Variants in ZMAT4 observed in about 807,000 individuals in gnomAD.
The protein encoded by ZMAT4 is zinc finger matrin-type 4.
Under a neutral mutation model 28.7 loss-of-function variants are expected in ZMAT4, and 17 were observed. The ratio of observed to expected loss-of-function variants is 0.59; its 90% confidence interval spans 0.41 to 0.89. The LOEUF is 0.89. ZMAT4 is among the 40% of genes least tolerant of loss of function. The pLI is 0.00. For synonymous variants in ZMAT4, 117 were observed against 109.2 expected (o/e 1.07, Z -0.44); for missense variants, 240 against 283.8 (o/e 0.85, Z 1.11).
At chr8:40,654,609 A>C (rs10093166) in intron 5 of ZMAT4, among the ~76,000 whole-genome samples, 34,801 of 152,078 alleles carry the variant, frequency 0.23, 4,152 homozygotes, top group Middle Eastern at 0.27. Flanking sequence ...ATGATAATGC[A>C]CTATAACCAA....
At chr8:40,696,559 A>G (rs995980038) in intron 4 of ZMAT4, among the ~76,000 whole-genome samples, 30 of 152,184 alleles carry the variant, frequency 2.0e-4, no homozygotes, top group African/African-American at 7.2e-5. Flanking sequence ...TTTTAGTTTC[A>G]TGATGTGATA....
At chr8:40,746,374 T>TTTC (rs1489561838) in intron 3 of ZMAT4, among the ~76,000 whole-genome samples, 1 of 88,044 alleles carries the variant, frequency 1.1e-5, no homozygotes, top group Admixed American at 1.1e-4. Flanking sequence ...CCTTTCTTTC[T>TTTC]CTTTTTTTTT....
chr8:40,826,193 A>G (rs1196764599), intron 1 of ZMAT4, among the ~76,000 whole-genome samples: 1 of 152,252 alleles, frequency 6.6e-6, no homozygotes, highest in Non-Finnish European at 1.5e-5. Flanking sequence ...AATATATCCA[A>G]CAATAGAAAG....
intron 6 of ZMAT4, among the ~76,000 whole-genome samples, chr8:40,538,581 T>C (rs1188534462): frequency 2.0e-5 from 3 of 152,134 alleles, no homozygotes; most frequent in African/African-American, 7.2e-5. Context: ...GACGACAACA[T>C]ATTAGCCTCC....
At chr8:40,776,440 T>C (rs1339515770) in intron 2 of ZMAT4, among the ~76,000 whole-genome samples, 1 of 152,190 alleles carries the variant, frequency 6.6e-6, no homozygotes, top group Non-Finnish European at 1.5e-5. Context: ...CGTGTTACAA[T>C]TTTAAATAAA....
chr8:40,895,723 C>T (rs993125042), intron 1 of ZMAT4, among the ~76,000 whole-genome samples: 3 of 152,126 alleles, frequency 2.0e-5, no homozygotes, highest in Non-Finnish European at 4.4e-5. Context: ...GATAGAAATC[C>T]AACAGATTGG....
chr8:40,717,883 C>G (rs887004516), intron 3 of ZMAT4, among the ~76,000 whole-genome samples: 1 of 125,138 alleles, frequency 8.0e-6, no homozygotes, highest in Non-Finnish European at 1.7e-5. Flanking sequence ...GCAGAAAGTA[C>G]AGTAAGTTCC....
intron 1 of ZMAT4, among the ~76,000 whole-genome samples, chr8:40,871,203 T>C (rs1340136439): frequency 6.6e-6 from 1 of 152,186 alleles, no homozygotes; most frequent in Non-Finnish European, 1.5e-5. Context: ...CAAGAGTTGC[T>C]ACAACATTTG....
At chr8:40,840,434 C>T (rs975725811) in intron 1 of ZMAT4, among the ~76,000 whole-genome samples, 1 of 152,178 alleles carries the variant, frequency 6.6e-6, no homozygotes, top group Non-Finnish European at 1.5e-5. Flanking sequence ...ACAGATATCC[C>T]TCCCAAGAGC....
At chr8:40,796,184 G>T (rs1814589646) in intron 2 of ZMAT4, among the ~76,000 whole-genome samples, 1 of 152,168 alleles carries the variant, frequency 6.6e-6, no homozygotes, top group Non-Finnish European at 1.5e-5. Flanking sequence ...CAGATACCCA[G>T]TGTGCATCCA....
At chr8:40,532,946 G>A (rs1413756199) in intron 6 of ZMAT4, among the ~76,000 whole-genome samples, 1 of 150,310 alleles carries the variant, frequency 6.7e-6, no homozygotes, top group Admixed American at 6.6e-5. Flanking sequence ...TCGTGCCACT[G>A]CACTCCAGCC....
chr8:40,811,722 A>C (rs1331382790), intron 2 of ZMAT4, among the ~76,000 whole-genome samples: 1 of 152,234 alleles, frequency 6.6e-6, no homozygotes, highest in African/African-American at 2.4e-5. Context: ...AGCAGTTAGA[A>C]GCCATAGATT....
chr8:40,781,491 G>A (rs187561787), intron 2 of ZMAT4, among the ~76,000 whole-genome samples: 190 of 152,110 alleles, frequency 1.2e-3, no homozygotes, highest in African/African-American at 4.2e-3. Context: ...GGCCGGGCGC[G>A]GTGGCTCACG....
chr8:40,781,388 C>T (rs1033177590), intron 2 of ZMAT4, among the ~76,000 whole-genome samples: 1 of 152,136 alleles, frequency 6.6e-6, no homozygotes, highest in African/African-American at 2.4e-5. Flanking sequence ...CAGTTCAAAA[C>T]TTACTAAAAA....
chr8:40,598,554 T>C (rs538748529), intron 5 of ZMAT4, among the ~76,000 whole-genome samples: 1 of 152,204 alleles, frequency 6.6e-6, no homozygotes, highest in Admixed American at 6.5e-5. Flanking sequence ...ATTCTTTTTA[T>C]ATAGCTGCAT....
At chr8:40,637,262 T>C (rs1806830039) in intron 5 of ZMAT4, among the ~76,000 whole-genome samples, 1 of 152,170 alleles carries the variant, frequency 6.6e-6, no homozygotes, top group African/African-American at 2.4e-5. Context: ...AAAATTATTT[T>C]CAAATCATTC....
At chr8:40,551,481 T>C (rs1449671861) in intron 6 of ZMAT4, among the ~76,000 whole-genome samples, 1 of 152,206 alleles carries the variant, frequency 6.6e-6, no homozygotes, top group East Asian at 1.9e-4. Context: ...ACTGTAGTGG[T>C]TACATGGTTA....
intron 5 of ZMAT4, 93 bp from the exon 6 acceptor site, chr8:40,581,354 C>T (rs941256729): frequency 1.6e-5 from 17 of 1,037,862 alleles, no homozygotes; most frequent in Middle Eastern, 2.0e-4. Context: ...GACACAGTGT[C>T]GGAGATAACT....
chr8:40,592,858 T>C (rs1804943017), intron 5 of ZMAT4, among the ~76,000 whole-genome samples: 1 of 152,230 alleles, frequency 6.6e-6, no homozygotes, highest in African/African-American at 2.4e-5. Context: ...GATTTTGGTC[T>C]TGGACGTGGT....
Sources: allele counts gnomAD v4.1 joint callset (sites outside exome capture counted in the v4.1 genomes callset), GRCh38; gene constraint gnomAD v4.1.1; transcripts MANE v1.5; gene names NCBI Gene and HGNC (gene_info 2026-07-23, HGNC 2026-07-21).